AANAT: variants seen among roughly 807,000 people sequenced by gnomAD.
AANAT encodes serotonin N-acetyltransferase.
Under a neutral mutation model 15.6 loss-of-function variants are expected in AANAT, and 11 were observed. The observed-to-expected ratio is 0.71, with a 90% confidence interval of 0.44 to 1.17. AANAT has a LOEUF of 1.17. AANAT is among the 50% of genes most tolerant of loss of function. The pLI is 0.00. For missense variants in AANAT, 286 were observed against 296.3 expected, an observed-to-expected ratio of 0.97 and a Z score of 0.26; for synonymous variants, 139 against 131.5, an observed-to-expected ratio of 1.06 and a Z score of -0.39.
intron 2 of AANAT, among the ~76,000 whole-genome samples, chr17:76,461,298 G>C (rs532816199): frequency 3.9e-5 from 6 of 152,222 alleles, no homozygotes; most frequent in Admixed American, 3.9e-4. Flanking sequence ...GCCTCTTGGG[G>C]GGACAGGTGT....
intron 1 of AANAT, 170 bp from the exon 2 acceptor site, chr17:76,468,502 T>C (rs1391255571): frequency 4.8e-6 from 3 of 625,216 alleles, no homozygotes; most frequent in South Asian, 2.1e-5. Flanking sequence ...GTGCCAATGT[T>C]TGCAATGCCT....
chr17:76,468,993 T>C (rs998595216), intron 2 of AANAT, 84 bp downstream of exon 2: 9 of 1,508,680 alleles, frequency 6.0e-6, no homozygotes, highest in African/African-American at 4.1e-5. Flanking sequence ...TCTCCTGTCC[T>C]TGGAGGCTGG....
At position 76,469,707 on chromosome 17, in the gene AANAT, C is replaced by T. The variant is rs1312401090; in HGVS notation, c.361C>T (p.Leu121=). Residue 121 remains leucine, a synonymous_variant, in exon 4 of 4, where the codon CTG becomes TTG. Coordinates refer to ENST00000392492, the MANE Select transcript of AANAT (RefSeq NM_001088.3). This position sits in a 1 kb window ranked among gnomAD's most constrained non-coding sequence, Gnocchi z 5.2. ...LHRSGGHIAH[L]HVLAVHRAFR... Reference sequence around the variant, plus strand: ...CAGGTCTGGGGGCCACATAGCCCACCTGCATGTGCTGGCCGTGCACCGCGC... The same window carrying T: ...CAGGTCTGGGGGCCACATAGCCCACTTGCATGTGCTGGCCGTGCACCGCGC... 2.6e-6 allele frequency: 4 copies of T among 1,533,530 alleles called. No homozygotes were observed. In the Admixed American group the frequency reaches 7.8e-5, roughly 30 times the overall value. 95.0% of individuals were successfully genotyped at this position (1,533,530 alleles called of 1,614,324 possible). A position where few individuals can be genotyped will look rare whatever the true frequency, so the allele number is the denominator to read the frequency against.
At chr17:76,456,171 A>C (rs1216132848) in intron 1 of AANAT, among the ~76,000 whole-genome samples, 1 of 151,804 alleles carries the variant, frequency 6.6e-6, no homozygotes, top group African/African-American at 2.4e-5. Flanking sequence ...ATCTCTACTA[A>C]AAATACAAAA....
chr17:76,468,493 T>A (rs1456146547), intron 1 of AANAT, 179 bp from the exon 2 acceptor site: 2 of 611,174 alleles, frequency 3.3e-6, no homozygotes, highest in East Asian at 5.6e-5. Context: ...GGGGAGACAG[T>A]GCCAATGTTT....
chr17:76,469,847 CTA>C lies in AANAT; in HGVS notation c.503_504del (p.Tyr168Ter). 6.2e-7 allele frequency: 1 copy of C among 1,604,476 alleles called. No individual in the cohort carries two copies. The highest frequency in any genetic ancestry group is 8.5e-7 in the Non-Finnish European group (1 of 1,176,808). ...LMCEDALVPF[Y>X]ERFSFHAVGP... ...TGTGCGAGGACGCGCTGGTACCCTT[CTA>C]TGAGAGGTTCAGCTTCCACGCCGTG... On this transcript the variant is annotated frameshift_variant, in exon 4 of 4. Coordinates refer to ENST00000392492, the MANE Select transcript of AANAT (RefSeq NM_001088.3). LOFTEE classifies it high-confidence loss of function. This position sits in a 1 kb window ranked among gnomAD's most constrained non-coding sequence, Gnocchi z 5.2.
chr17:76,454,937 G>C (rs980163419), intron 1 of AANAT, among the ~76,000 whole-genome samples: 2 of 151,836 alleles, frequency 1.3e-5, no homozygotes, highest in Non-Finnish European at 2.9e-5. Flanking sequence ...GACCAGCCTG[G>C]CCAAGATGGT....
chr17:76,460,652 G>A (rs2073379803), intron 2 of AANAT, among the ~76,000 whole-genome samples: 1 of 152,086 alleles, frequency 6.6e-6, no homozygotes, highest in Non-Finnish European at 1.5e-5. Flanking sequence ...TCACATGTGG[G>A]GCTCACACAA....
chr17:76,454,963 C>G (rs1301290590), intron 1 of AANAT, among the ~76,000 whole-genome samples: 1 of 150,730 alleles, frequency 6.6e-6, no homozygotes, highest in East Asian at 2.0e-4. Context: ...CCTGTCTCTA[C>G]TAAAAATACA....
upstream of AANAT, chr17:76,466,167 G>T (rs2073436310): frequency 3.3e-6 from 5 of 1,536,926 alleles, no homozygotes; most frequent in Middle Eastern, 1.7e-4. Context: ...GCCACCAGGG[G>T]GTGCCATGGA....
chr17:76,461,081 C>T (rs938756944), intron 2 of AANAT, among the ~76,000 whole-genome samples: 3 of 151,978 alleles, frequency 2.0e-5, no homozygotes, highest in African/African-American at 7.3e-5. Flanking sequence ...AGGAGAATTG[C>T]TTGAACCCGG....
intron 1 of AANAT, among the ~76,000 whole-genome samples, chr17:76,454,644 G>A (rs1003339194): frequency 6.6e-5 from 10 of 150,912 alleles, no homozygotes; most frequent in Admixed American, 3.3e-4. Context: ...CCAACATGGC[G>A]AAATCCCTTC....
chr17:76,454,488 AAAAT>A (rs899375633), intron 1 of AANAT, among the ~76,000 whole-genome samples: 17 of 151,814 alleles, frequency 1.1e-4, no homozygotes, highest in African/African-American at 3.9e-4. Context: ...CTGTCTCAAA[AAAAT>A]AAATAAATAA....
chr17:76,468,291 G>A (rs1252730713), intron 1 of AANAT, among the ~76,000 whole-genome samples: 1 of 152,182 alleles, frequency 6.6e-6, no homozygotes, highest in Non-Finnish European at 1.5e-5. Context: ...GTGGTCAGTG[G>A]AGGGTCACGA....
Position 76,457,573 on chromosome 17 carries a change from C to G in AANAT, c.-575-1674C>G, listed in dbSNP as rs556337642. 3.3e-3 allele frequency among the ~76,000 whole-genome samples: 499 copies of G among 152,268 alleles called. 1 individual carries two copies. The highest frequency in any genetic ancestry group is 0.011 in the African/African-American group (468 of 41,548). On this transcript the variant is annotated intron_variant, in intron 1 of 6. Transcript: ENST00000250615. ...TTCATGCCAGATACTCTACTAAGTG[C>G]TTTACATAGATTATCAGGATACTGC...
Position 76,468,888 on chromosome 17 carries a change from G to A in AANAT, c.142G>A (p.Ala48Thr), listed in dbSNP as rs765693283. Residue 48 changes from alanine (A) to threonine (T), a missense_variant, in exon 2 of 4, where the codon GCC becomes ACC. Physicochemically the swap from Ala to Thr is moderately conservative, Grantham distance 58 (BLOSUM62 0). Transcript: ENST00000392492. ...CCTCACCCCGGAGGACGCTGTCAGC[G>A]CCTTTGAGATCGAGCGTGAAGGTGA... is the stretch of plus-strand genomic sequence containing the variant. ...RCLTPEDAVS[A>T]FEIEREAFIS... 61 of 1,613,324 alleles carry A rather than the reference G, an allele frequency of 3.8e-5. No homozygotes were observed. Among genetic ancestry groups the A allele is most frequent in the East Asian group, 6.7e-5 (3 of 44,892 alleles).
intron 2 of AANAT, 75 bp downstream of exon 2, chr17:76,468,984 C>A (rs1371514931): frequency 1.3e-6 from 2 of 1,532,972 alleles, no homozygotes. Context: ...GACCCTTAGT[C>A]TCCTGTCCTT....
At chr17:76,466,780 C>A (rs2073442652), upstream of AANAT, among the ~76,000 whole-genome samples, 1 of 152,186 alleles carries the variant, frequency 6.6e-6, no homozygotes, top group African/African-American at 2.4e-5. Context: ...CAGGGCCCGG[C>A]ACATAGCAAG....
intron 2 of AANAT, among the ~76,000 whole-genome samples, chr17:76,461,837 G>T (rs190500097): frequency 3.3e-5 from 5 of 152,152 alleles, no homozygotes; most frequent in Admixed American, 2.6e-4. Context: ...AAGCCAGAGG[G>T]CCTCCTTGGC....
Sources: gnomAD v4.1 joint callset for allele counts (sites outside exome capture counted in the v4.1 genomes callset) on GRCh38, gnomAD v4.1.1 for gene constraint, Gnocchi (gnomAD v3.1) non-coding constraint, MANE v1.5 for transcripts, NCBI Gene and HGNC (gene_info 2026-07-23, HGNC 2026-07-21) for gene names.